The following TSPAN10 variants were observed in gnomAD, a reference collection of about 807,000 sequenced individuals.
The protein encoded by TSPAN10 is tetraspanin 10.
TSPAN10 carries 11 observed loss-of-function variants against 15.0 expected under a neutral mutation model. The ratio of observed to expected loss-of-function variants is 0.73; its 90% CI spans 0.46 to 1.21. TSPAN10 has a LOEUF of 1.21. Among genes scored for constraint, TSPAN10 ranks in the 50% most tolerant of loss-of-function variants. The pLI is 0.00. For missense variants in TSPAN10, 486 were observed against 470.6 expected (o/e 1.03, Z -0.30); for synonymous variants, 241 against 226.2 (o/e 1.07, Z -0.59).
chr17:81,648,035 C>T (rs370581698), exon 3 of TSPAN10: 39 of 1,600,990 alleles, frequency 2.4e-5, no homozygotes, highest in Admixed American at 3.4e-5. Context: ...GCGGACGCAG[C>T]TCAGAGAGTG....
chr17:81,643,313 T>A (rs2036199503), intron 1 of TSPAN10, among the ~76,000 whole-genome samples: 1 of 142,676 alleles, frequency 7.0e-6, no homozygotes, highest in Non-Finnish European at 1.5e-5. Context: ...AAAATAATTT[T>A]AAAAAATTAC....
chr17:81,648,500 C>A (rs929282267), downstream of TSPAN10: 2 of 412,774 alleles, frequency 4.8e-6, no homozygotes, highest in Admixed American at 4.9e-5. Context: ...GGCGAAGCCA[C>A]GGGACTGGCG....
At chr17:81,648,412 C>T (rs1018686944), downstream of TSPAN10, 22 of 1,006,692 alleles carry the variant, frequency 2.2e-5, no homozygotes, top group African/African-American at 2.6e-4. Context: ...CTTCGGGTGA[C>T]TTCGCCGCAG....
In TSPAN10 at chr17:81,645,012, C is replaced by A. The variant is rs1283696615; in HGVS notation, c.57C>A (p.Pro19=). The A allele has an allele frequency of 4.3e-6, 7 of 1,611,102 alleles. No individual in the cohort carries two copies. The South Asian group carries it at 7.7e-5, about 18-fold the overall frequency. ...TGCAGGAAACTGCAGGCCAGAAGCC[C>A]CTCTCTGTGCACAGGCCACCCACCT... The change falls in exon 2 of 3, where the codon CCC becomes CCA. Residue 19 remains proline (P), a synonymous_variant. Coordinates refer to ENST00000611590, the Ensembl canonical transcript of TSPAN10.
At chr17:81,648,449 C>A, downstream of TSPAN10, 1 of 726,366 alleles carries the variant, frequency 1.4e-6, no homozygotes, top group Non-Finnish European at 1.8e-6. Flanking sequence ...TCACTTCGCT[C>A]GCTCCGCGTC....
intron 1 of TSPAN10, 68 bp downstream of exon 2, chr17:81,642,516 T>C: frequency 6.6e-7 from 1 of 1,520,456 alleles, no homozygotes; most frequent in East Asian, 2.3e-5. Flanking sequence ...CTAAGGGAAG[T>C]CCCTGGGCTG....
At chr17:81,639,991 A>AAAAG (rs1568177624), upstream of TSPAN10, among the ~76,000 whole-genome samples, 3 of 150,426 alleles carry the variant, frequency 2.0e-5, no homozygotes, top group African/African-American at 7.3e-5. Flanking sequence ...AAAAAAAAAA[A>AAAAG]AAAAGAAAAG....
exon 2 of TSPAN10, chr17:81,645,295 G>A: frequency 2.6e-6 from 4 of 1,538,898 alleles, no homozygotes; most frequent in Non-Finnish European, 3.5e-6. Context: ...TGATCTGGGG[G>A]GGCCCCTGCC....
In TSPAN10 at chr17:81,645,254, G is replaced by A. The variant is rs772132865; in HGVS notation, c.299G>A (p.Trp100Ter). Residue 100 changes from tryptophan (W) to a stop codon, truncating the protein, a stop_gained, in exon 2 of 3, where the codon TGG becomes TAG. Transcript: ENST00000611590. LOFTEE classifies it high-confidence loss of function. ...CTGCTGGCCCTGGCCATCGGGCTCT[G>A]GGGCCTGGCTGTCAAGGGGTCTCTG... 24 of 1,534,404 alleles carry A rather than the reference G, an allele frequency of 1.6e-5. No homozygotes were observed. In the East Asian group the frequency reaches 5.0e-4, roughly 32 times the overall value.
chr17:81,647,133 C>T (rs552124347), intron 2 of TSPAN10, among the ~76,000 whole-genome samples: 2 of 152,266 alleles, frequency 1.3e-5, no homozygotes, highest in East Asian at 1.9e-4. Context: ...GGCTAACAGG[C>T]GGGTCCTTCC....
chr17:81,643,391 C>A (rs2036200327), intron 1 of TSPAN10, among the ~76,000 whole-genome samples: 1 of 97,080 alleles, frequency 1.0e-5, no homozygotes, highest in Admixed American at 1.2e-4. Flanking sequence ...GCGGGCGGAT[C>A]ACGAGGTTAG....
At chr17:81,648,128 T>A in exon 3 of TSPAN10, 1 of 1,546,998 alleles carries the variant, frequency 6.5e-7, no homozygotes, top group Non-Finnish European at 8.7e-7. Context: ...GCAATCGCGG[T>A]GGTGCTGCTG....
At chr17:81,641,876 T>TCAAAAA (rs1555691600), upstream of TSPAN10, among the ~76,000 whole-genome samples, 1 of 101,426 alleles carries the variant, frequency 9.9e-6, no homozygotes, top group African/African-American at 4.9e-5. Context: ...AAACTCAGTC[T>TCAAAAA]CAAAAACAAA....
At chr17:81,644,792 C>G (rs1050100129) in intron 1 of TSPAN10, among the ~76,000 whole-genome samples, 200 bp from the exon 3 acceptor site, 1 of 152,264 alleles carries the variant, frequency 6.6e-6, no homozygotes, top group Admixed American at 6.5e-5. Context: ...ACTGCCCCTT[C>G]TGCTGCTCAG....
intron 1 of TSPAN10, among the ~76,000 whole-genome samples, chr17:81,643,603 T>C (rs1247126659): frequency 4.0e-5 from 1 of 25,092 alleles, no homozygotes; most frequent in African/African-American, 3.4e-4. Context: ...AGAGCGAGAC[T>C]CCGTCTCAAA....
chr17:81,640,883 C>A (rs1050841288), upstream of TSPAN10, among the ~76,000 whole-genome samples: 8 of 152,056 alleles, frequency 5.3e-5, no homozygotes, highest in African/African-American at 1.9e-4. Flanking sequence ...AAAGATTACC[C>A]AGACTTTGGC....
chr17:81,642,320 C>T (rs751271484), upstream of TSPAN10: 6 of 1,475,302 alleles, frequency 4.1e-6, no homozygotes, highest in Middle Eastern at 1.8e-4. Context: ...AGCCCAGGGC[C>T]GCAGTCAGGA....
exon 3 of TSPAN10, chr17:81,648,264 C>A (rs1326646221): frequency 8.2e-7 from 1 of 1,214,508 alleles, no homozygotes; most frequent in Non-Finnish European, 1.0e-6. Context: ...GCCCCGGCGC[C>A]CCGCCCGCTG....
intron 1 of TSPAN10, among the ~76,000 whole-genome samples, chr17:81,644,414 C>T (rs60213955): frequency 0.5 from 75,890 of 151,180 alleles, 20,951 homozygotes; most frequent in East Asian, 0.99. Context: ...CAGTGCGGGC[C>T]GTTGGTGGGG....
Sources: allele counts gnomAD v4.1 joint callset (sites outside exome capture counted in the v4.1 genomes callset), GRCh38; gene constraint gnomAD v4.1.1; transcripts MANE v1.5; gene names NCBI Gene and HGNC (gene_info 2026-07-23, HGNC 2026-07-21).